SPRY3: variants seen among roughly 807,000 people sequenced by gnomAD.
The protein encoded by SPRY3 is protein sprouty homolog 3.
A neutral mutation model predicts 20.2 loss-of-function variants in SPRY3; 15 were observed. The ratio of observed to expected loss-of-function variants is 0.74; its 90% CI spans 0.50 to 1.14. The LOEUF (loss-of-function observed/expected upper bound fraction) is 1.14, where lower values mean the gene tolerates loss of function less well. Among genes scored for constraint, SPRY3 ranks in the 50% most tolerant of loss-of-function variants. The pLI, the probability that SPRY3 is intolerant of heterozygous loss-of-function variation, is 0.00. For synonymous variants in SPRY3, 143 were observed against 136.5 expected (o/e 1.05, Z -0.33); for missense variants, 364 against 363.9 (o/e 1.00, Z 0.00).
At chrX:155,621,552 A>C (rs1262611251) in intron 1 of SPRY3, among the ~76,000 whole-genome samples, 1 of 111,315 alleles carries the variant, frequency 9.0e-6, no homozygotes, top group Non-Finnish European at 1.9e-5. Flanking sequence ...TTTTGTTTCA[A>C]CTATTTCTCA....
At chrX:155,704,293 A>G (rs1358445394) in intron 2 of SPRY3, among the ~76,000 whole-genome samples, 3 of 151,872 alleles carry the variant, frequency 2.0e-5, no homozygotes, top group African/African-American at 4.8e-5. Flanking sequence ...TAGATGGGTA[A>G]TTTCTGCAGA....
chrX:155,665,314 T>C (rs1383587789), intron 2 of SPRY3, among the ~76,000 whole-genome samples: 1 of 111,248 alleles, frequency 9.0e-6, no homozygotes, highest in Non-Finnish European at 1.9e-5. Context: ...AATTTAGCAA[T>C]ATCTAATAAA....
At chrX:155,700,876 T>C (rs1310278302) in intron 2 of SPRY3, among the ~76,000 whole-genome samples, 1 of 38,833 alleles carries the variant, frequency 2.6e-5, no homozygotes, top group Non-Finnish European at 4.0e-5. Flanking sequence ...GGTTTTTTGT[T>C]CTTGCGATAG....
intron 1 of SPRY3, among the ~76,000 whole-genome samples, chrX:155,647,522 G>A (rs1343625348): frequency 4.6e-5 from 5 of 108,852 alleles, no homozygotes; most frequent in African/African-American, 1.7e-4. Context: ...TGGTCTCATT[G>A]CTCAACTCCC....
chrX:155,727,271 A>G (rs2091104459), intron 2 of SPRY3, among the ~76,000 whole-genome samples: 1 of 151,936 alleles, frequency 6.6e-6, no homozygotes, highest in Admixed American at 6.6e-5. Flanking sequence ...AAATCTGACA[A>G]TTATGTGTCT....
At position 155,708,894 on chromosome X, in the gene SPRY3, T is replaced by C. The variant is rs775585636; in HGVS notation, c.-282+51869T>C. On this transcript the variant is annotated intron_variant, in intron 2 of 3. Coordinates refer to ENST00000675360, the Ensembl canonical transcript of SPRY3. Reference sequence around the variant, plus strand: ...TTAACCATCCCCACCTTTTCCCTATTAACGACTACAATTTGAGGCTCTGGT... The same window carrying C: ...TTAACCATCCCCACCTTTTCCCTATCAACGACTACAATTTGAGGCTCTGGT... Among the ~76,000 whole-genome samples, 4 of 151,468 alleles carry C rather than the reference T, an allele frequency of 2.6e-5. No individual in the cohort carries two copies. In the East Asian group the frequency reaches 7.7e-4, roughly 29 times the overall value.
At chrX:155,728,604 G>A (rs1292686988) in intron 2 of SPRY3, among the ~76,000 whole-genome samples, 1 of 152,220 alleles carries the variant, frequency 6.6e-6, no homozygotes, top group Non-Finnish European at 1.5e-5. Flanking sequence ...CGTGGGCATG[G>A]GAACTGCCAA....
intron 2 of SPRY3, among the ~76,000 whole-genome samples, chrX:155,716,166 C>A (rs1265850159): frequency 6.6e-6 from 1 of 152,048 alleles, no homozygotes; most frequent in African/African-American, 2.4e-5. Flanking sequence ...CTGCTTTAAT[C>A]TTTTTCTCTG....
downstream of SPRY3, chrX:155,780,003 T>C (rs73249652): frequency 5.7e-3 from 959 of 167,074 alleles, 3 homozygotes; most frequent in Non-Finnish European, 0.011. Flanking sequence ...ACTACCAGTG[T>C]TGCTGCTGTT....
chrX:155,752,228 T>C (rs1373918398), intron 2 of SPRY3, among the ~76,000 whole-genome samples: 3 of 151,394 alleles, frequency 2.0e-5, no homozygotes, highest in Admixed American at 6.6e-5. Context: ...ATGGGGTAGC[T>C]CTATTGGATC....
At chrX:155,733,317 G>A (rs1476190291) in intron 2 of SPRY3, among the ~76,000 whole-genome samples, 2 of 149,260 alleles carry the variant, frequency 1.3e-5, no homozygotes, top group African/African-American at 4.9e-5. Context: ...AGGTGGGTAT[G>A]TATATATATA....
chrX:155,616,100 G>GTCTCTCTCTCTCTCTCTCTCTC (rs781921618), intron 1 of SPRY3, among the ~76,000 whole-genome samples: 3 of 42,889 alleles, frequency 7.0e-5, no homozygotes, highest in African/African-American at 1.8e-4. Context: ...TTTATCTGGG[G>GTCTCTCTCTCTCTCTCTCTCTC]TCTCTCTCTC....
chrX:155,695,605 C>T (rs1021435472), intron 2 of SPRY3, among the ~76,000 whole-genome samples: 1 of 110,685 alleles, frequency 9.0e-6, no homozygotes, highest in East Asian at 2.8e-4. Flanking sequence ...ATATACTGAA[C>T]ATTTTGATAT....
At chrX:155,655,368 C>T (rs2067989056) in intron 1 of SPRY3, among the ~76,000 whole-genome samples, 1 of 111,002 alleles carries the variant, frequency 9.0e-6, no homozygotes, top group Admixed American at 9.6e-5. Context: ...AGTTTCATTC[C>T]CATTTGTCTA....
At chrX:155,627,433 C>T (rs1603113184) in intron 1 of SPRY3, among the ~76,000 whole-genome samples, 2 of 111,627 alleles carry the variant, frequency 1.8e-5, no homozygotes, top group Non-Finnish European at 3.8e-5. Flanking sequence ...AATAATATTC[C>T]AAAGTGGTAC....
In SPRY3 at chrX:155,765,534, G is replaced by A. The variant is rs1175827430; in HGVS notation, c.-281-2428G>A. 3.9e-5 allele frequency among the ~76,000 whole-genome samples: 6 copies of A among 152,180 alleles called. No homozygotes were observed. In the East Asian group the frequency reaches 5.8e-4, roughly 15 times the overall value. On this transcript the variant is annotated intron_variant, in intron 2 of 3. Transcript: ENST00000675360. ...CCACTTGAATGTCAATTCCAGGAGC[G>A]CAGGAAATCTAGCTGTTGAATTACT... is the stretch of plus-strand genomic sequence containing the variant.
intron 1 of SPRY3, among the ~76,000 whole-genome samples, chrX:155,633,710 T>C (rs1335999385): frequency 8.9e-6 from 1 of 111,757 alleles, no homozygotes; most frequent in Non-Finnish European, 1.9e-5. Flanking sequence ...TTGTGACAAG[T>C]AAATCAGATT....
intron 1 of SPRY3, among the ~76,000 whole-genome samples, chrX:155,630,879 A>G (rs1328847363): frequency 5.4e-5 from 6 of 111,456 alleles, no homozygotes; most frequent in Non-Finnish European, 7.5e-5. Context: ...ATGCTATCCC[A>G]TAAATCTCAG....
intron 2 of SPRY3, among the ~76,000 whole-genome samples, chrX:155,746,855 G>A (rs1307425559): frequency 6.6e-6 from 1 of 151,986 alleles, no homozygotes; most frequent in African/African-American, 2.4e-5. Flanking sequence ...ACTTTTCTAT[G>A]TAAGAAGGCT....
Sources: allele counts gnomAD v4.1 joint callset (sites outside exome capture counted in the v4.1 genomes callset), GRCh38; gene constraint gnomAD v4.1.1; transcripts MANE v1.5; gene names NCBI Gene and HGNC (gene_info 2026-07-23, HGNC 2026-07-21).